UBAP2L: variants seen among roughly 807,000 people sequenced by gnomAD.
UBAP2L encodes ubiquitin-associated protein 2-like.
In UBAP2L, 12 loss-of-function variants were observed where a neutral mutation model predicts 130.6. That is an observed-to-expected ratio of 0.09 (90% CI 0.06 to 0.15). The LOEUF is 0.15. Ranked by LOEUF, UBAP2L falls within the 10% of genes least tolerant of loss-of-function variation. UBAP2L has a pLI of 1.00. For missense variants in UBAP2L, 965 were observed against 1,332.5 expected, an observed-to-expected ratio of 0.72 and a Z score of 4.29; for synonymous variants, 503 against 524.7, an observed-to-expected ratio of 0.96 and a Z score of 0.57.
At chr1:154,268,389 C>T (rs935632860) in intron 25 of UBAP2L, among the ~76,000 whole-genome samples, 5 of 151,840 alleles carry the variant, frequency 3.3e-5, no homozygotes, top group Admixed American at 6.6e-5. Context: ...CGGGGTTTCA[C>T]CATATTGGCC....
At chr1:154,253,120 C>A (rs1421858254) in intron 14 of UBAP2L, among the ~76,000 whole-genome samples, 1 of 152,036 alleles carries the variant, frequency 6.6e-6, no homozygotes, top group African/African-American at 2.4e-5. Context: ...TCTCCTGCCT[C>A]AGCCTCCTGA....
At chr1:154,230,310 G>T (rs1204428838) in intron 4 of UBAP2L, among the ~76,000 whole-genome samples, 1 of 152,336 alleles carries the variant, frequency 6.6e-6, no homozygotes, top group Non-Finnish European at 1.5e-5. Flanking sequence ...CCTGGCCTCA[G>T]ATACAACAGC....
In UBAP2L at chr1:154,255,686, G is replaced by A. The variant is rs1366202075; in HGVS notation, c.2088G>A (p.Thr696=). 7 of 1,613,970 alleles carry A rather than the reference G, an allele frequency of 4.3e-6. No individual in the cohort carries two copies. The highest frequency in any genetic ancestry group is 2.7e-5 in the African/African-American group (2 of 74,896). The change falls in exon 18 of 27, where the codon ACG becomes ACA. Residue 696 remains threonine, a synonymous_variant. Transcript: ENST00000428931. The stretch of plus-strand genomic sequence containing the variant: ...GCAGCCTCTTTTTTTCTGACAGCAC[G>A]TTATCTACGCAGCAGAATACCCTTT... ...PNTTTTQHSS[T]LSTQQNTLSS... is the part of the protein sequence containing the mutation.
chr1:154,249,474 T>C (rs566663500), intron 12 of UBAP2L, 37 bp downstream of exon 12: 47 of 1,612,710 alleles, frequency 2.9e-5, no homozygotes, highest in African/African-American at 6.7e-5. Flanking sequence ...CTTTAAAGCA[T>C]TGGAGCATTA....
At position 154,255,753 on chromosome 1, in the gene UBAP2L, T is replaced by C. The variant is rs1433002833; in HGVS notation, c.2155T>C (p.Leu719=). The C allele has an allele frequency of 1.2e-6, 2 of 1,614,102 alleles. No homozygotes were observed. The highest frequency in any genetic ancestry group is 1.3e-5 in the African/African-American group (1 of 75,046). ...SSGRTSTSTL[L]HTSVESEANL... is the part of the protein sequence containing the mutation. ...TGGGCGCACTTCGACATCCACTCTT[T>C]TGGTAAGTGTGATGCTGAGAGGGAT... The change falls in exon 18 of 27, where the codon TTG becomes CTG. Residue 719 remains leucine, a splice_region_variant and synonymous_variant. Coordinates refer to ENST00000428931, the MANE Select transcript of UBAP2L (RefSeq NM_014847.4).
At chr1:154,255,858 G>A in intron 18 of UBAP2L, 103 bp downstream of exon 18, 1 of 1,398,900 alleles carries the variant, frequency 7.1e-7, no homozygotes, top group South Asian at 1.2e-5. Flanking sequence ...TTCATGAGGT[G>A]GCAAAATAAT....
chr1:154,265,749 TTTATC>T (rs1683053025), intron 24 of UBAP2L, among the ~76,000 whole-genome samples: 1 of 151,398 alleles, frequency 6.6e-6, no homozygotes, highest in African/African-American at 2.4e-5. Context: ...TATGAGAGCT[TTTATC>T]TTACGGAGAA....
chr1:154,243,517 G>A (rs1674285589), intron 10 of UBAP2L, among the ~76,000 whole-genome samples: 1 of 151,782 alleles, frequency 6.6e-6, no homozygotes. Context: ...CTGGAGTGCA[G>A]TGGCACGATT....
chr1:154,249,495 G>A, intron 12 of UBAP2L, 58 bp downstream of exon 12: 2 of 1,602,612 alleles, frequency 1.2e-6, no homozygotes, highest in Non-Finnish European at 1.7e-6. Flanking sequence ...CTGTCAAGAG[G>A]CTAGCAGGGG....
chr1:154,225,277 G>A (rs1667548214), intron 2 of UBAP2L, 64 bp downstream of exon 2: 1 of 1,540,678 alleles, frequency 6.5e-7, no homozygotes, highest in Non-Finnish European at 8.9e-7. Flanking sequence ...TTTCCATGCA[G>A]TACAGCATCA....
At position 154,251,112 on chromosome 1, in the gene UBAP2L, A is replaced by G. The variant is rs759606847; in HGVS notation, c.1285A>G (p.Thr429Ala). 52 of 1,613,972 alleles carry G rather than the reference A, an allele frequency of 3.2e-5. No individual in the cohort carries two copies. The highest frequency in any genetic ancestry group is 1.2e-4 in the African/African-American group (9 of 74,896). ...TKRQAFTPSSTMMEVFLQEKS... is the reference protein window; with the variant it reads ...TKRQAFTPSSAMMEVFLQEKS... ...GCGCCAGGCTTTTACCCCATCTTCAACCATGATGGAGGTGTTCCTTCAGGA... is the reference window on the plus strand; with the variant it reads ...GCGCCAGGCTTTTACCCCATCTTCAGCCATGATGGAGGTGTTCCTTCAGGA... The change falls in exon 13 of 27, where the codon ACC (threonine) becomes GCC (alanine). Residue 429 changes from threonine (T) to alanine (A), a missense_variant. By Grantham distance (58) the Thr-to-Ala change is moderately conservative. Coordinates refer to ENST00000428931, the MANE Select transcript of UBAP2L (RefSeq NM_014847.4).
chr1:154,251,535 C>T lies in UBAP2L; in HGVS notation c.1546C>T (p.Leu516=). The T allele has an allele frequency of 6.2e-7, 1 of 1,614,090 alleles. No individual in the cohort carries two copies. The highest frequency in any genetic ancestry group is 8.5e-7 in the Non-Finnish European group (1 of 1,180,030). The change falls in exon 14 of 27, where the codon CTG becomes TTG. Residue 516 remains leucine, a synonymous_variant. Coordinates refer to ENST00000428931, the MANE Select transcript of UBAP2L (RefSeq NM_014847.4). ...CTCAGCAGATATCTCAGGGCTAAAC[C>T]TGCAGTTTGGGGCATTGCAGTTTGG... The part of the protein sequence containing the change: ...PGSADISGLN[L]QFGALQFGSE...
intron 9 of UBAP2L, among the ~76,000 whole-genome samples, chr1:154,242,245 G>A (rs1042227026): frequency 1.3e-5 from 2 of 152,194 alleles, no homozygotes; most frequent in Non-Finnish European, 2.9e-5. Flanking sequence ...AGTGATCATG[G>A]ATAAACTCTT....
intron 9 of UBAP2L, chr1:154,241,821 G>T: frequency 1.0e-6 from 1 of 976,714 alleles, no homozygotes; most frequent in Non-Finnish European, 1.2e-6. Flanking sequence ...CTGATTGTCG[G>T]ATTTATCCCA....
Position 154,254,056 on chromosome 1 carries a change from TTCA to T in UBAP2L, c.1825_1827del (p.Ser609del), listed in dbSNP as rs748091033. ...CTCGGCGGTACCCCAGCTCCATCTC[TTCA>T]TCACCCCAAAAGGACCTGACTCAGG... On this transcript the variant is annotated inframe_deletion, in exon 15 of 27. Transcript: ENST00000428931. 5 of 1,595,738 alleles carry T rather than the reference TTCA, an allele frequency of 3.1e-6. No individual in the cohort carries two copies. In the African/African-American group the frequency reaches 6.8e-5, roughly 22 times the overall value.
chr1:154,252,264 C>T (rs980254085), intron 14 of UBAP2L, among the ~76,000 whole-genome samples: 6 of 147,706 alleles, frequency 4.1e-5, no homozygotes, highest in South Asian at 2.1e-4. Flanking sequence ...GGTGAGCAAC[C>T]GTGCCCAGCC....
At chr1:154,254,575 G>A (rs1463216846) in intron 15 of UBAP2L, 1 of 546,008 alleles carries the variant, frequency 1.8e-6, no homozygotes, top group Non-Finnish European at 3.2e-6. Context: ...TTAGGTTTGG[G>A]GTGTCTTCAA....
chr1:154,220,498 C>T (rs1665519918), upstream of UBAP2L: 1 of 1,417,760 alleles, frequency 7.1e-7, no homozygotes, highest in African/African-American at 1.4e-5. Flanking sequence ...CGCCTGGGTC[C>T]CCTGGAGCTC....
At chr1:154,236,730 C>A in intron 7 of UBAP2L, 119 bp downstream of exon 7, 1 of 1,076,128 alleles carries the variant, frequency 9.3e-7, no homozygotes, top group Non-Finnish European at 1.4e-6. Context: ...GGACTTAGGG[C>A]TCATTTCTTA....
Sources: allele counts gnomAD v4.1 joint callset (sites outside exome capture counted in the v4.1 genomes callset), GRCh38; gene constraint gnomAD v4.1.1; transcripts MANE v1.5; gene names NCBI Gene and HGNC (gene_info 2026-07-23, HGNC 2026-07-21).